MYO1E: variants seen among roughly 807,000 people sequenced by gnomAD.
MYO1E encodes the protein myosin IE, also known as unconventional myosin-Ie.
A neutral mutation model predicts 151.1 loss-of-function variants in MYO1E; 68 were observed. That is an observed-to-expected ratio of 0.45 (90% CI 0.37 to 0.55). The LOEUF (loss-of-function observed/expected upper bound fraction) is 0.55. Among genes scored for constraint, MYO1E ranks in the 20% least tolerant of loss-of-function variants. The pLI, the probability that MYO1E is intolerant of heterozygous loss-of-function variation, is 0.00. For synonymous variants in MYO1E, 601 were observed against 501.7 expected (o/e 1.20, Z -2.64); for missense variants, 1,363 against 1,389.3 (o/e 0.98, Z 0.30).
Position 59,261,301 on chromosome 15 carries a change from T to A in MYO1E, c.237+119A>T, listed in dbSNP as rs2080223284. On this transcript the variant is annotated intron_variant, in intron 3 of 27. Coordinates refer to ENST00000288235, the MANE Select transcript of MYO1E (RefSeq NM_004998.4). ...TAAAAATCAAACAATGTCACTCAAGTTTCTCCAATAAAAAATTCATAATAG... is the reference window on the plus strand; with the variant it reads ...TAAAAATCAAACAATGTCACTCAAGATTCTCCAATAAAAAATTCATAATAG... 7.5e-6 allele frequency: 4 copies of A among 535,712 alleles called. No homozygotes were observed. The South Asian group carries it at 1.4e-4, about 19-fold the overall frequency. 33.2% of individuals were successfully genotyped at this position (535,712 alleles called of 1,614,324 possible). A position where few individuals can be genotyped will look rare whatever the true frequency, so the allele number is the denominator to read the frequency against.
intron 22 of MYO1E, among the ~76,000 whole-genome samples, chr15:59,171,681 C>G (rs1266864950): frequency 1.3e-5 from 2 of 152,152 alleles, no homozygotes; most frequent in Admixed American, 1.3e-4. Context: ...AGGAGCTGTC[C>G]GGAGGCAACC....
intron 1 of MYO1E, among the ~76,000 whole-genome samples, chr15:59,286,913 G>A (rs2080390877): frequency 6.6e-6 from 1 of 152,144 alleles, no homozygotes. Flanking sequence ...GTTGATGGGT[G>A]GCAGAGATGA....
intron 9 of MYO1E, among the ~76,000 whole-genome samples, chr15:59,221,088 C>G (rs1276716127): frequency 6.7e-6 from 1 of 148,506 alleles, no homozygotes; most frequent in African/African-American, 2.5e-5. Context: ...GATGGAGACT[C>G]GCTCGTTGCC....
chr15:59,173,407 C>T (rs2079606878), intron 21 of MYO1E, among the ~76,000 whole-genome samples: 1 of 151,908 alleles, frequency 6.6e-6, no homozygotes, highest in Non-Finnish European at 1.5e-5. Flanking sequence ...ATATTGCTAA[C>T]TGTATTACTA....
intron 4 of MYO1E, among the ~76,000 whole-genome samples, chr15:59,243,168 C>T (rs2080110273): frequency 7.1e-6 from 1 of 141,760 alleles, no homozygotes. Flanking sequence ...AAAGGTATAA[C>T]CCAAGGATTA....
At chr15:59,363,427 C>CGTCT (rs2080896798) in intron 1 of MYO1E, among the ~76,000 whole-genome samples, 1 of 152,216 alleles carries the variant, frequency 6.6e-6, no homozygotes, top group Non-Finnish European at 1.5e-5. Flanking sequence ...TCTGGTATTA[C>CGTCT]TGAATAAAAT....
At position 59,154,009 on chromosome 15, in the gene MYO1E, C is replaced by T. The variant is rs113685096; in HGVS notation, c.2879-218G>A. On this transcript the variant is annotated intron_variant, in intron 25 of 27. Transcript: ENST00000288235. ...ATCACCGGGCTTTACTGAGGTATAA[C>T]TGACAAATAAAATTGTATGTATTTA... Among the ~76,000 whole-genome samples, 823 of 152,300 alleles carry T rather than the reference C, an allele frequency of 5.4e-3. 4 individuals carry two copies. Among genetic ancestry groups the T allele is most frequent in the African/African-American group, 0.019 (784 of 41,548 alleles).
intron 1 of MYO1E, among the ~76,000 whole-genome samples, chr15:59,348,368 T>A (rs1326951488): frequency 6.6e-6 from 1 of 152,148 alleles, no homozygotes; most frequent in East Asian, 1.9e-4. Context: ...CAAAAATACA[T>A]CCTGATCAGT....
At chr15:59,208,975 C>T (rs1399024448) in intron 13 of MYO1E, 127 bp from the exon 14 acceptor site, 1 of 1,138,038 alleles carries the variant, frequency 8.8e-7, no homozygotes, top group Non-Finnish European at 1.3e-6. Context: ...AGTCAGTATT[C>T]CCCTTCAGGC....
chr15:59,186,708 C>T (rs1566973537), intron 18 of MYO1E, among the ~76,000 whole-genome samples: 1 of 152,190 alleles, frequency 6.6e-6, no homozygotes, highest in African/African-American at 2.4e-5. Context: ...GTTATGATTG[C>T]ACCACTGCAC....
At chr15:59,243,514 T>C (rs1266819194) in intron 4 of MYO1E, among the ~76,000 whole-genome samples, 1 of 152,104 alleles carries the variant, frequency 6.6e-6, no homozygotes, top group Non-Finnish European at 1.5e-5. Context: ...ACTTAGCTAG[T>C]GAGTGGAAGA....
Position 59,255,702 on chromosome 15 carries a change from T to TA in MYO1E, c.332+581dup, listed in dbSNP as rs1197162043. Among the ~76,000 whole-genome samples, 11 of 152,096 alleles carry TA rather than the reference T, an allele frequency of 7.2e-5. No individual in the cohort carries two copies. In the South Asian group the frequency reaches 1.5e-3, roughly 20 times the overall value. On this transcript the variant is annotated intron_variant, in intron 4 of 27. Transcript: ENST00000288235. ...TAACACAAACGATAGCTGAAGAGCTTAAAAAAAATTGCAAAAAAATCTCAT... is the reference window on the plus strand; with the variant it reads ...TAACACAAACGATAGCTGAAGAGCTTAAAAAAAAATTGCAAAAAAATCTCAT...
intron 19 of MYO1E, among the ~76,000 whole-genome samples, chr15:59,177,893 A>G: frequency 6.6e-6 from 1 of 152,320 alleles, no homozygotes; most frequent in Non-Finnish European, 1.5e-5. Flanking sequence ...CAATCCTGGG[A>G]ATTCCCACCC....
chr15:59,157,233 G>T (rs1187349829), intron 25 of MYO1E, among the ~76,000 whole-genome samples: 1 of 151,992 alleles, frequency 6.6e-6, no homozygotes, highest in African/African-American at 2.4e-5. Flanking sequence ...AAAAAGAAGA[G>T]ATAAATATGA....
chr15:59,329,898 G>T (rs1335826064), intron 1 of MYO1E, among the ~76,000 whole-genome samples: 1 of 152,094 alleles, frequency 6.6e-6, no homozygotes, highest in Non-Finnish European at 1.5e-5. Context: ...TTCATGGAGG[G>T]AAAAAACTTC....
Position 59,163,315 on chromosome 15 carries a change from T to G in MYO1E, c.2481-12A>C. On this transcript the variant is annotated splice_polypyrimidine_tract_variant and intron_variant, in intron 22 of 27. Transcript: ENST00000288235. ...CATCCTGCATAGTACTGTAAAGAGA[T>G]TGGACAAACACACTTGGTGAAAGCT... is the stretch of plus-strand genomic sequence containing the variant. 1 of 1,612,550 alleles carries G rather than the reference T, an allele frequency of 6.2e-7. No homozygotes were observed. The highest frequency in any genetic ancestry group is 8.5e-7 in the Non-Finnish European group (1 of 1,179,080).
intron 1 of MYO1E, among the ~76,000 whole-genome samples, chr15:59,327,971 A>G (rs1488605607): frequency 6.6e-6 from 1 of 152,184 alleles, no homozygotes; most frequent in Non-Finnish European, 1.5e-5. Flanking sequence ...CATCCCCAGC[A>G]CTTCGGAAGC....
chr15:59,206,834 A>G, intron 14 of MYO1E: 2 of 1,168,344 alleles, frequency 1.7e-6, no homozygotes, highest in Non-Finnish European at 2.4e-6. Context: ...GGGCACGCGC[A>G]CCTGCCGTAG....
At chr15:59,161,826 T>C (rs1281023849) in intron 23 of MYO1E, among the ~76,000 whole-genome samples, 1 of 152,254 alleles carries the variant, frequency 6.6e-6, no homozygotes, top group Non-Finnish European at 1.5e-5. Flanking sequence ...CTATATTGCA[T>C]ATATGCCTGT....
Sources: allele counts gnomAD v4.1 joint callset (sites outside exome capture counted in the v4.1 genomes callset), GRCh38; gene constraint gnomAD v4.1.1; transcripts MANE v1.5; gene names NCBI Gene and HGNC (gene_info 2026-07-23, HGNC 2026-07-21).